RSRC1: variants seen among roughly 807,000 people sequenced by gnomAD.
RSRC1 encodes the protein serine/Arginine-related protein 53.
In RSRC1, 39 loss-of-function variants were observed where a neutral mutation model predicts 49.1. The ratio of observed to expected loss-of-function variants is 0.79; its 90% CI spans 0.61 to 1.04. The LOEUF (loss-of-function observed/expected upper bound fraction) is 1.04. Among genes scored for constraint, RSRC1 ranks in the 50% least tolerant of loss-of-function variants. The probability of loss-of-function intolerance (pLI) is 0.00; values close to 1 mark genes in which losing one functional copy is unlikely to be tolerated. For missense variants in RSRC1, 388 were observed against 402.4 expected (o/e 0.96, Z 0.31); for synonymous variants, 143 against 130.8 (o/e 1.09, Z -0.63).
chr3:158,145,966 TG>T (rs1717080420), intron 3 of RSRC1, among the ~76,000 whole-genome samples: 1 of 152,338 alleles, frequency 6.6e-6, no homozygotes, highest in East Asian at 1.9e-4. Context: ...TTGTGATGTT[TG>T]CACATTGATT....
At chr3:158,301,541 T>C (rs1727549451) in intron 5 of RSRC1, among the ~76,000 whole-genome samples, 1 of 152,062 alleles carries the variant, frequency 6.6e-6, no homozygotes, top group African/African-American at 2.4e-5. Context: ...TTCTGGGTTC[T>C]TATAACAAGT....
intron 4 of RSRC1, among the ~76,000 whole-genome samples, chr3:158,272,451 T>G (rs1029245453): frequency 6.6e-6 from 1 of 152,152 alleles, no homozygotes; most frequent in African/African-American, 2.4e-5. Context: ...GGCTTTTGTT[T>G]TTCTTCCGAT....
chr3:158,495,779 A>G (rs1199653634), intron 7 of RSRC1, among the ~76,000 whole-genome samples: 3 of 152,162 alleles, frequency 2.0e-5, no homozygotes, highest in Admixed American at 6.5e-5. Flanking sequence ...AGCCACTCTC[A>G]TTTGTTTACA....
At chr3:158,283,824 T>C (rs1398720044) in intron 4 of RSRC1, among the ~76,000 whole-genome samples, 1 of 152,136 alleles carries the variant, frequency 6.6e-6, no homozygotes, top group Admixed American at 6.5e-5. Flanking sequence ...TGGCAGTGCA[T>C]GAGGATACCT....
At chr3:158,466,488 A>G (rs1444282275) in intron 7 of RSRC1, among the ~76,000 whole-genome samples, 1 of 152,186 alleles carries the variant, frequency 6.6e-6, no homozygotes, top group East Asian at 1.9e-4. Context: ...TATAAATTAA[A>G]CATTAGGAAG....
At chr3:158,397,698 T>C (rs1009127746) in intron 6 of RSRC1, among the ~76,000 whole-genome samples, 1 of 152,088 alleles carries the variant, frequency 6.6e-6, no homozygotes, top group African/African-American at 2.4e-5. Context: ...TCACACAAGT[T>C]TTCTTTCAAG....
intron 4 of RSRC1, among the ~76,000 whole-genome samples, chr3:158,256,361 A>G (rs1048639415): frequency 6.6e-6 from 1 of 152,186 alleles, no homozygotes; most frequent in Non-Finnish European, 1.5e-5. Context: ...GATGGATTAC[A>G]TTTATGATTT....
intron 5 of RSRC1, among the ~76,000 whole-genome samples, chr3:158,326,643 T>A (rs1157277751): frequency 6.6e-6 from 1 of 152,214 alleles, no homozygotes; most frequent in East Asian, 1.9e-4. Context: ...AGTATTTTAT[T>A]GAGGATTGTT....
chr3:158,243,213 G>A (rs535496545), intron 4 of RSRC1, among the ~76,000 whole-genome samples: 5 of 152,116 alleles, frequency 3.3e-5, no homozygotes, highest in African/African-American at 7.2e-5. Flanking sequence ...TCTACCTTGG[G>A]ATGATTTTTG....
chr3:158,237,526 T>A (rs1041205421), intron 4 of RSRC1, among the ~76,000 whole-genome samples: 1 of 152,228 alleles, frequency 6.6e-6, no homozygotes, highest in African/African-American at 2.4e-5. Flanking sequence ...TTCCAACTAT[T>A]CTAATGGATT....
At chr3:158,184,245 CTT>C (rs994627818) in intron 3 of RSRC1, among the ~76,000 whole-genome samples, 1 of 151,294 alleles carries the variant, frequency 6.6e-6, no homozygotes, top group African/African-American at 2.4e-5. Context: ...GACTCTGTCT[CTT>C]TAAAATCTCT....
chr3:158,396,855 A>G (rs541190199), intron 6 of RSRC1, among the ~76,000 whole-genome samples: 1 of 152,292 alleles, frequency 6.6e-6, no homozygotes, highest in South Asian at 2.1e-4. Flanking sequence ...TCTGCCAAGC[A>G]TTACATTAAG....
intron 6 of RSRC1, among the ~76,000 whole-genome samples, chr3:158,437,502 G>A (rs995573732): frequency 6.6e-6 from 1 of 152,078 alleles, no homozygotes; most frequent in African/African-American, 2.4e-5. Context: ...TGCAAGGCTG[G>A]TTCAACATAT....
intron 6 of RSRC1, among the ~76,000 whole-genome samples, chr3:158,455,494 C>A (rs757561057): frequency 2.0e-5 from 3 of 152,046 alleles, no homozygotes; most frequent in Admixed American, 1.3e-4. Flanking sequence ...TTGAAAAAGC[C>A]AATCCCCTAT....
At chr3:158,263,704 T>C (rs549963362) in intron 4 of RSRC1, among the ~76,000 whole-genome samples, 5 of 152,296 alleles carry the variant, frequency 3.3e-5, no homozygotes, top group Admixed American at 3.3e-4. Flanking sequence ...CTTCAGTAGA[T>C]TAGTTGCTAC....
chr3:158,422,168 G>T (rs1464909436), intron 6 of RSRC1, among the ~76,000 whole-genome samples: 1 of 150,296 alleles, frequency 6.7e-6, no homozygotes, highest in Non-Finnish European at 1.5e-5. Context: ...CTGGTGCGCT[G>T]CACCCACTAA....
At chr3:158,394,060 A>T (rs1016702718) in intron 6 of RSRC1, among the ~76,000 whole-genome samples, 2 of 152,146 alleles carry the variant, frequency 1.3e-5, no homozygotes, top group African/African-American at 4.8e-5. Context: ...AAACCACATG[A>T]TCATCTCAGT....
rs569613588 is a variant in RSRC1, at chr3:158,340,602, T to C, written c.532-14255T>C. ...GTGCCTTTTGCCTCCCACCATGATTTTGAGGCCTCCCCAGCCATGTGGAAC... is the reference window on the plus strand; with the variant it reads ...GTGCCTTTTGCCTCCCACCATGATTCTGAGGCCTCCCCAGCCATGTGGAAC... On this transcript the variant is annotated intron_variant, in intron 5 of 9. Transcript: ENST00000611884. 2.3e-3 allele frequency among the ~76,000 whole-genome samples: 354 copies of C among 152,230 alleles called. 2 individuals carry two copies. The highest frequency in any genetic ancestry group is 5.4e-3 in the South Asian group (26 of 4,808).
intron 6 of RSRC1, among the ~76,000 whole-genome samples, chr3:158,358,667 TCA>T (rs1490216074): frequency 6.6e-6 from 1 of 152,162 alleles, no homozygotes; most frequent in Non-Finnish European, 1.5e-5. Flanking sequence ...TTCAGTACAT[TCA>T]CAGTTTTGTA....
Sources: gnomAD v4.1 joint callset for allele counts (sites outside exome capture counted in the v4.1 genomes callset) on GRCh38, gnomAD v4.1.1 for gene constraint, MANE v1.5 for transcripts, NCBI Gene and HGNC (gene_info 2026-07-23, HGNC 2026-07-21) for gene names.